The following TMEM161B variants were observed in gnomAD, a reference collection of about 807,000 sequenced individuals.
The protein encoded by TMEM161B is transmembrane protein 161B.
Under a neutral mutation model 61.8 loss-of-function variants are expected in TMEM161B, and 34 were observed. The observed-to-expected ratio is 0.55, with a 90% CI of 0.42 to 0.73. The LOEUF is 0.73. Ranked by LOEUF, TMEM161B falls within the 30% of genes least tolerant of loss-of-function variation. TMEM161B has a pLI of 0.00. For missense variants in TMEM161B, 456 were observed against 558.5 expected, an observed-to-expected ratio of 0.82 and a Z score of 1.85; for synonymous variants, 167 against 192.8, an observed-to-expected ratio of 0.87 and a Z score of 1.11.
At chr5:88,262,411 A>C (rs559458651) in intron 1 of TMEM161B, among the ~76,000 whole-genome samples, 4 of 152,276 alleles carry the variant, frequency 2.6e-5, no homozygotes, top group African/African-American at 9.6e-5. Context: ...TTTTTACCCA[A>C]AGGAACTGAA....
At chr5:88,247,647 A>C (rs976711442) in intron 1 of TMEM161B, among the ~76,000 whole-genome samples, 10 of 152,134 alleles carry the variant, frequency 6.6e-5, no homozygotes, top group African/African-American at 2.4e-4. Context: ...AAGAAGATGT[A>C]AACTGCCATT....
intron 1 of TMEM161B, among the ~76,000 whole-genome samples, chr5:88,256,053 G>A (rs534198100): frequency 3.3e-5 from 5 of 152,020 alleles, no homozygotes; most frequent in Admixed American, 1.3e-4. Flanking sequence ...CAAGGCAAAT[G>A]GAAGACCAAC....
At chr5:88,202,802 A>G in intron 9 of TMEM161B, 160 bp downstream of exon 9, 1 of 658,864 alleles carries the variant, frequency 1.5e-6, no homozygotes, top group Non-Finnish European at 2.7e-6. Context: ...ATGTTACATG[A>G]TGGTCTGTAG....
intron 1 of TMEM161B, chr5:88,250,622 A>G (rs968637120): frequency 1.3e-5 from 2 of 152,222 alleles, no homozygotes; most frequent in African/African-American, 2.4e-5. Flanking sequence ...GAGAAGGAAG[A>G]GGATGTTGGT....
At chr5:88,245,853 T>C (rs1311084181) in intron 1 of TMEM161B, among the ~76,000 whole-genome samples, 4 of 152,010 alleles carry the variant, frequency 2.6e-5, no homozygotes, top group South Asian at 4.1e-4. Context: ...GTGAGCTGGA[T>C]TGACTAGAAT....
intron 5 of TMEM161B, among the ~76,000 whole-genome samples, chr5:88,219,944 T>C (rs1389944610): frequency 6.6e-6 from 1 of 151,914 alleles, no homozygotes; most frequent in South Asian, 2.1e-4. Context: ...ATATTAGCTA[T>C]GCTGGAAGTT....
chr5:88,214,965 T>G (rs1561340244), intron 5 of TMEM161B, among the ~76,000 whole-genome samples: 1 of 152,198 alleles, frequency 6.6e-6, no homozygotes, highest in South Asian at 2.1e-4. Flanking sequence ...TTTTAAAAAG[T>G]CATTCCTGTG....
intron 5 of TMEM161B, among the ~76,000 whole-genome samples, chr5:88,217,872 C>A (rs1748185535): frequency 7.0e-6 from 1 of 143,786 alleles, no homozygotes. Flanking sequence ...AGCAACCAAA[C>A]ACAAGCAACT....
At chr5:88,241,631 G>A (rs565572504) in intron 1 of TMEM161B, among the ~76,000 whole-genome samples, 7 of 151,722 alleles carry the variant, frequency 4.6e-5, no homozygotes, top group Non-Finnish European at 1.0e-4. Context: ...TGGCCTGAAA[G>A]TCACTAATAA....
intron 5 of TMEM161B, among the ~76,000 whole-genome samples, chr5:88,211,240 T>G (rs1746672125): frequency 6.6e-6 from 1 of 151,950 alleles, no homozygotes; most frequent in Non-Finnish European, 1.5e-5. Flanking sequence ...AGTTTGGGTA[T>G]ATAACTATAC....
In TMEM161B at chr5:88,247,730, G is replaced by T. The variant is rs1753795966; in HGVS notation, c.4-6814C>A. On this transcript the variant is annotated intron_variant, in intron 1 of 11. Coordinates refer to ENST00000296595, the MANE Select transcript of TMEM161B (RefSeq NM_153354.5). ...AACAAACCATCTTTGAACAATTTAT[G>T]TATAAGGAAAACAGGGTCCAAACAA... Among the ~76,000 whole-genome samples, 3 of 152,024 alleles carry T rather than the reference G, an allele frequency of 2.0e-5. 1 individual carries two copies. The highest frequency in any genetic ancestry group is 6.6e-5 in the Admixed American group (1 of 15,240).
At chr5:88,214,810 A>C (rs1747513489) in intron 5 of TMEM161B, among the ~76,000 whole-genome samples, 1 of 152,216 alleles carries the variant, frequency 6.6e-6, no homozygotes, top group South Asian at 2.1e-4. Flanking sequence ...AGTAGAGCTG[A>C]GAATTAGTTT....
In TMEM161B at chr5:88,225,876, T is replaced by C. The variant is rs964255559; in HGVS notation, c.192-10A>G. On this transcript the variant is annotated splice_polypyrimidine_tract_variant and intron_variant, in intron 3 of 11. Coordinates refer to ENST00000296595, the MANE Select transcript of TMEM161B (RefSeq NM_153354.5). ...GTGACCATTATATTTCCTATAAAAA[T>C]CAGACAAGTGACACAAAAAACAAGT... 5 of 1,573,160 alleles carry C rather than the reference T, an allele frequency of 3.2e-6. No homozygotes were observed. The highest frequency in any genetic ancestry group is 1.4e-5 in the African/African-American group (1 of 73,608).
intron 1 of TMEM161B, among the ~76,000 whole-genome samples, chr5:88,264,019 C>A (rs1756028331): frequency 6.6e-6 from 1 of 152,054 alleles, no homozygotes; most frequent in Non-Finnish European, 1.5e-5. Context: ...CTGCGCATGT[C>A]AAATTACCAC....
intron 2 of TMEM161B, among the ~76,000 whole-genome samples, chr5:88,230,013 G>A (rs1379859100): frequency 6.6e-6 from 1 of 151,972 alleles, no homozygotes; most frequent in Non-Finnish European, 1.5e-5. Flanking sequence ...GCAACACAGT[G>A]AGACCGTATC....
chr5:88,233,699 A>C (rs1196708400), intron 2 of TMEM161B, among the ~76,000 whole-genome samples: 1 of 152,172 alleles, frequency 6.6e-6, no homozygotes, highest in African/African-American at 2.4e-5. Flanking sequence ...AAAAGTAAGC[A>C]ATAAAGGATA....
downstream of TMEM161B, chr5:88,195,030 A>T (rs897223162): frequency 2.1e-6 from 1 of 484,600 alleles, no homozygotes; most frequent in Non-Finnish European, 2.7e-6. Flanking sequence ...ACAAATTTAA[A>T]ACAAGTCCTA....
chr5:88,215,731 T>C (rs920978581), intron 5 of TMEM161B, among the ~76,000 whole-genome samples: 2 of 152,198 alleles, frequency 1.3e-5, no homozygotes, highest in Admixed American at 6.5e-5. Context: ...AGTTCAGTGC[T>C]AAAGGCTGTG....
At chr5:88,236,891 A>C (rs1199585189) in intron 2 of TMEM161B, among the ~76,000 whole-genome samples, 1 of 152,152 alleles carries the variant, frequency 6.6e-6, no homozygotes, top group African/African-American at 2.4e-5. Context: ...AATTTAAATA[A>C]ATTACTCCGT....
Sources: allele counts gnomAD v4.1 joint callset (sites outside exome capture counted in the v4.1 genomes callset), GRCh38; gene constraint gnomAD v4.1.1; transcripts MANE v1.5; gene names NCBI Gene and HGNC (gene_info 2026-07-23, HGNC 2026-07-21).